Variants in CPA6 observed in about 807,000 individuals in gnomAD.
The protein encoded by CPA6 is carboxypeptidase B.
In CPA6, 58 loss-of-function variants were observed where a neutral mutation model predicts 63.3. The observed-to-expected ratio is 0.92, with a 90% confidence interval of 0.74 to 1.14. The LOEUF (loss-of-function observed/expected upper bound fraction) is 1.14. CPA6 is among the 50% of genes most tolerant of loss of function. The pLI is 0.00. For missense variants in CPA6, 565 were observed against 526.6 expected (o/e 1.07, Z -0.71); for synonymous variants, 185 against 179.0 (o/e 1.03, Z -0.27).
chr8:67,431,709 G>A (rs895067481), intron 9 of CPA6, among the ~76,000 whole-genome samples: 2 of 151,894 alleles, frequency 1.3e-5, no homozygotes, highest in Admixed American at 1.3e-4. Flanking sequence ...CAAAAACAAA[G>A]TATATTTGAC....
intron 4 of CPA6, among the ~76,000 whole-genome samples, chr8:67,509,890 C>T (rs541180189): frequency 6.6e-5 from 10 of 152,148 alleles, no homozygotes; most frequent in East Asian, 1.9e-4. Flanking sequence ...CATTAATATA[C>T]GGGTAACAGA....
chr8:67,695,939 T>C (rs1167986112), intron 1 of CPA6, among the ~76,000 whole-genome samples: 1 of 152,160 alleles, frequency 6.6e-6, no homozygotes, highest in Non-Finnish European at 1.5e-5. Flanking sequence ...TTAGAGGTGA[T>C]AGTTCCAGAG....
At chr8:67,479,570 T>C (rs1811314031) in intron 8 of CPA6, among the ~76,000 whole-genome samples, 1 of 152,154 alleles carries the variant, frequency 6.6e-6, no homozygotes, top group African/African-American at 2.4e-5. Context: ...AAGTAGATTG[T>C]ACTGAATATT....
intron 1 of CPA6, among the ~76,000 whole-genome samples, chr8:67,637,691 T>C (rs1454422074): frequency 6.6e-6 from 1 of 151,444 alleles, no homozygotes; most frequent in African/African-American, 2.5e-5. Flanking sequence ...AACAATACCT[T>C]ATTATTATAA....
intron 2 of CPA6, among the ~76,000 whole-genome samples, chr8:67,578,749 A>T (rs1813690179): frequency 6.6e-6 from 1 of 152,244 alleles, no homozygotes; most frequent in Admixed American, 6.5e-5. Context: ...ATAATAAAAA[A>T]ACATGTTACA....
intron 8 of CPA6, among the ~76,000 whole-genome samples, chr8:67,475,064 A>G (rs556078648): frequency 7.9e-5 from 12 of 152,326 alleles, no homozygotes; most frequent in Admixed American, 7.2e-4. Context: ...AGCTCTCCCT[A>G]AGTATCAAAA....
At chr8:67,661,404 C>A (rs1250946144) in intron 1 of CPA6, among the ~76,000 whole-genome samples, 2 of 152,108 alleles carry the variant, frequency 1.3e-5, no homozygotes, top group Non-Finnish European at 2.9e-5. Context: ...GGCTTTAATC[C>A]AAGGGACCGA....
chr8:67,447,534 CA>C (rs1563956678), intron 8 of CPA6, among the ~76,000 whole-genome samples: 1 of 148,954 alleles, frequency 6.7e-6, no homozygotes, highest in African/African-American at 2.6e-5. Context: ...CACACACACA[CA>C]CACACACACA....
Position 67,506,885 on chromosome 8 carries a change from C to T in CPA6, c.538G>A (p.Gly180Ser), listed in dbSNP as rs886063080. The T allele has an allele frequency of 6.2e-7, 1 of 1,612,208 alleles. No homozygotes were observed. The highest frequency in any genetic ancestry group is 8.5e-7 in the Non-Finnish European group (1 of 1,178,446). The part of the protein sequence containing the change: ...EGRSLFILKL[G>S]RRSRLKRAVW... ...GCTCTTTTGAGTCGTGATCGTCTGCCCAGCTGAAAACAAGAGCATTCACAG... is the reference window on the plus strand; with the variant it reads ...GCTCTTTTGAGTCGTGATCGTCTGCTCAGCTGAAAACAAGAGCATTCACAG... The change falls in exon 6 of 11, where the codon GGC becomes AGC. Residue 180 changes from glycine to serine, a missense_variant. By Grantham distance (56) the Gly-to-Ser change is moderately conservative. Coordinates refer to ENST00000297770, the MANE Select transcript of CPA6 (RefSeq NM_020361.5).
At chr8:67,594,017 G>T (rs1292251159) in intron 2 of CPA6, among the ~76,000 whole-genome samples, 16 of 151,246 alleles carry the variant, frequency 1.1e-4, no homozygotes, top group African/African-American at 3.6e-4. Context: ...TGCAGCGGCT[G>T]GTACTGGTTG....
chr8:67,686,233 T>C (rs768579575), intron 1 of CPA6, among the ~76,000 whole-genome samples: 5 of 152,232 alleles, frequency 3.3e-5, no homozygotes, highest in Non-Finnish European at 5.9e-5. Flanking sequence ...TCCTAATTGC[T>C]GACCTCTGTC....
chr8:67,461,694 A>AC (rs1201521037), intron 8 of CPA6, among the ~76,000 whole-genome samples: 8 of 151,070 alleles, frequency 5.3e-5, no homozygotes, highest in Admixed American at 2.0e-4. Context: ...CAGGGGGCTG[A>AC]CCCCCCCACT....
chr8:67,521,941 A>C (rs1333640571), intron 2 of CPA6, among the ~76,000 whole-genome samples: 7 of 152,158 alleles, frequency 4.6e-5, no homozygotes, highest in Admixed American at 4.6e-4. Flanking sequence ...TGGTAAATTG[A>C]AGATGATAAT....
intron 1 of CPA6, among the ~76,000 whole-genome samples, chr8:67,632,345 C>CT (rs374494352): frequency 0.027 from 4,024 of 151,686 alleles, 92 homozygotes; most frequent in African/African-American, 0.057. Flanking sequence ...TAATTAAAAA[C>CT]TTTTTTTTAA....
At position 67,705,345 on chromosome 8, in the gene CPA6, G is replaced by A. The variant is rs114671112; in HGVS notation, c.116+40669C>T. ...CTCACCATCAACAGAACAAAGCCAA[G>A]GGCAACTCTGGAGGTGGCAAGTAAA... On this transcript the variant is annotated intron_variant, in intron 1 of 10. Transcript: ENST00000297770. Among the ~76,000 whole-genome samples the A allele has an allele frequency of 6.8e-3, 1,038 of 152,250 alleles. 7 individuals are homozygous for A. The highest frequency in any genetic ancestry group is 0.024 in the African/African-American group (978 of 41,548).
At chr8:67,592,724 G>A (rs1488466351) in intron 2 of CPA6, among the ~76,000 whole-genome samples, 1 of 152,080 alleles carries the variant, frequency 6.6e-6, no homozygotes, top group Non-Finnish European at 1.5e-5. Context: ...CAGTGGGATT[G>A]GTGATGATAT....
chr8:67,701,097 T>C (rs866760179), intron 1 of CPA6, among the ~76,000 whole-genome samples: 1 of 152,190 alleles, frequency 6.6e-6, no homozygotes, highest in Non-Finnish European at 1.5e-5. Context: ...AAACATGGTA[T>C]AGTGGAAAGA....
At chr8:67,588,596 A>G (rs1814012940) in intron 2 of CPA6, among the ~76,000 whole-genome samples, 1 of 152,228 alleles carries the variant, frequency 6.6e-6, no homozygotes, top group Non-Finnish European at 1.5e-5. Context: ...GAAATTCTAT[A>G]GCCCTTCCAT....
In CPA6 at chr8:67,703,469, T is replaced by C. The variant is rs1053722669; in HGVS notation, c.116+42545A>G. Among the ~76,000 whole-genome samples the C allele has an allele frequency of 3.3e-5, 5 of 152,234 alleles. 1 individual carries two copies. The South Asian group carries it at 8.3e-4, about 25-fold the overall frequency. ...CTTTCCCCAAAATCCACACCACTTA[T>C]TCTCTGGTTTTCTCTGTGGGTATTC... is the stretch of plus-strand genomic sequence containing the variant. On this transcript the variant is annotated intron_variant, in intron 1 of 10. Coordinates refer to ENST00000297770, the MANE Select transcript of CPA6 (RefSeq NM_020361.5).
Sources: gnomAD v4.1 joint callset for allele counts (sites outside exome capture counted in the v4.1 genomes callset) on GRCh38, gnomAD v4.1.1 for gene constraint, MANE v1.5 for transcripts, NCBI Gene and HGNC (gene_info 2026-07-23, HGNC 2026-07-21) for gene names.